Variants in ARHGAP45 observed in about 807,000 individuals in gnomAD.
ARHGAP45 encodes Rho GTPase activating protein 45.
Under a neutral mutation model 116.1 loss-of-function variants are expected in ARHGAP45, and 56 were observed. The observed-to-expected ratio is 0.48, with a 90% CI of 0.39 to 0.60. The LOEUF (loss-of-function observed/expected upper bound fraction) is 0.60. ARHGAP45 is among the 20% of genes least tolerant of loss of function. ARHGAP45 has a pLI of 0.00. For missense variants in ARHGAP45, 1,622 were observed against 1,601.0 expected (o/e 1.01, Z -0.22); for synonymous variants, 866 against 701.7 (o/e 1.23, Z -3.70).
At chr19:1,073,906 G>T in intron 5 of ARHGAP45, 42 bp from the exon 6 acceptor site, 1 of 1,531,808 alleles carries the variant, frequency 6.5e-7, no homozygotes, top group Non-Finnish European at 8.8e-7. Context: ...ACTGCCCAGG[G>T]CCCCGCATGG....
Position 1,077,905 on chromosome 19 carries a change from C to G in ARHGAP45, c.1234C>G (p.Arg412Gly). ...CAAGGCCAAGCAGGGTTACGTGCAG[C>G]GCTGCGAGGACCACGACAAGGCTCG... ...LRKAKQGYVQ[R>G]CEDHDKARFL... The change falls in exon 11 of 23, where the codon CGC becomes GGC. Residue 412 changes from arginine (R) to glycine (G), a missense_variant. By Grantham distance (125) the Arg-to-Gly change is moderately radical. Coordinates refer to ENST00000313093, the MANE Select transcript of ARHGAP45 (RefSeq NM_012292.5). 1 of 1,554,152 alleles carries G rather than the reference C, an allele frequency of 6.4e-7. No individual in the cohort carries two copies. The highest frequency in any genetic ancestry group is 8.7e-7 in the Non-Finnish European group (1 of 1,148,656).
intron 10 of ARHGAP45, chr19:1,077,174 C>G: frequency 1.0e-6 from 1 of 985,370 alleles, no homozygotes; most frequent in Non-Finnish European, 1.2e-6. Flanking sequence ...TGGGCGGCTT[C>G]TCTGTTCTCG....
At chr19:1,077,543 C>T (rs2043286177) in intron 10 of ARHGAP45, 1 of 1,093,310 alleles carries the variant, frequency 9.1e-7, no homozygotes, top group Non-Finnish European at 1.2e-6. Flanking sequence ...ACCACAATGC[C>T]CGGCTAATTG....
intron 10 of ARHGAP45, among the ~76,000 whole-genome samples, chr19:1,076,851 C>T (rs776929930): frequency 1.7e-4 from 26 of 149,594 alleles, no homozygotes; most frequent in Non-Finnish European, 3.3e-4. Flanking sequence ...AGGCTGGTCT[C>T]GAGTAGCTAG....
rs1187417858 is a variant in ARHGAP45 at position 1,082,827 on chromosome 19, T to G, written c.2518-13T>G. 2.7e-6 allele frequency: 4 copies of G among 1,481,118 alleles called. No individual in the cohort carries two copies. The highest frequency in any genetic ancestry group is 9.0e-7 in the Non-Finnish European group (1 of 1,115,542). The allele number at this position is 1,481,118 out of a possible 1,614,324, so 91.7% of individuals were successfully genotyped here. On this transcript the variant is annotated splice_polypyrimidine_tract_variant and intron_variant, in intron 19 of 22. Coordinates refer to ENST00000313093, the MANE Select transcript of ARHGAP45 (RefSeq NM_012292.5). The stretch of plus-strand genomic sequence containing the variant: ...AGGCCCACCAACACCTGCTGACCCT[T>G]GACTCTGCGCAGCTTCCCGAGCCGC...
At chr19:1,078,170 G>A in intron 11 of ARHGAP45, 125 bp downstream of exon 11, 3 of 1,414,776 alleles carry the variant, frequency 2.1e-6, no homozygotes, top group Non-Finnish European at 2.8e-6. Context: ...TTGAGACGGA[G>A]TCTTGCTCTG....
intron 10 of ARHGAP45, 156 bp from the exon 11 acceptor site, chr19:1,077,701 C>G: frequency 6.8e-7 from 1 of 1,477,964 alleles, no homozygotes; most frequent in African/African-American, 1.4e-5. Flanking sequence ...TCCTGTTTTT[C>G]CGCTGCCGAT....
chr19:1,080,322 G>T lies in ARHGAP45; in HGVS notation c.1771G>T (p.Gly591Trp). 1 of 1,610,932 alleles carries T rather than the reference G, an allele frequency of 6.2e-7. No homozygotes were observed. The highest frequency in any genetic ancestry group is 8.5e-7 in the Non-Finnish European group (1 of 1,179,528). The change falls in exon 14 of 23, where the codon GGG becomes TGG. Residue 591 changes from glycine (G) to tryptophan (W), a missense_variant. Gly to Trp is a radical substitution (Grantham distance 184). Transcript: ENST00000313093. ...TGATGTGGCGCGGCCGGAGGCTGCC[G>T]GGAGCCCCCCAGAAGAAGGCGGGTG... Reference protein sequence around the residue: ...VSDVARPEAAGSPPEEGGCTE... With the variant: ...VSDVARPEAAWSPPEEGGCTE...
chr19:1,082,715 G>T, intron 19 of ARHGAP45, 125 bp from the exon 20 acceptor site: 1 of 830,938 alleles, frequency 1.2e-6, no homozygotes, highest in South Asian at 2.0e-5. Flanking sequence ...GCTCTGGGTG[G>T]AACCCGAGCT....
At chr19:1,067,634 G>A (rs1013981455) in intron 1 of ARHGAP45, 139 bp downstream of exon 1, 7 of 848,226 alleles carry the variant, frequency 8.3e-6, no homozygotes, top group South Asian at 1.4e-5. Flanking sequence ...GGACGGCAGG[G>A]GCCACAGCAG....
In ARHGAP45 at chr19:1,079,935, T is replaced by G; in HGVS notation, c.1520T>G (p.Ile507Ser). ...QSDQTIKSAT[I>S]SYYQMMHMQT... ...CTCCGGTGCCGCCCGCAGGCCACGA[T>G]CTCCTACTACCAGATGATGCATATG... Residue 507 changes from isoleucine to serine, a missense_variant, in exon 13 of 23, where the codon ATC becomes AGC. Physicochemically the swap from Ile to Ser is moderately radical, Grantham distance 142. Transcript: ENST00000313093. 3 of 1,606,266 alleles carry G rather than the reference T, an allele frequency of 1.9e-6. No individual in the cohort carries two copies. The highest frequency in any genetic ancestry group is 2.6e-6 in the Non-Finnish European group (3 of 1,174,590).
Position 1,071,159 on chromosome 19 carries a change from C to A in ARHGAP45, c.422-1990C>A. On this transcript the variant is annotated intron_variant, in intron 2 of 22. Transcript: ENST00000313093. The surrounding 1 kb of genome is among the most constrained non-coding windows in gnomAD (Gnocchi z 4.6). ...GACCCAGGCTGGGGCGAACGGGACC[C>A]CAGGGCGGGGTTTCCCTCGCGGGGG... 7.6e-7 allele frequency: 1 copy of A among 1,313,846 alleles called. No individual in the cohort carries two copies. The highest frequency in any genetic ancestry group is 9.7e-7 in the Non-Finnish European group (1 of 1,031,062). 81.4% of individuals were successfully genotyped at this position (1,313,846 alleles called of 1,614,324 possible).
upstream of ARHGAP45, chr19:1,066,277 C>A (rs751747306): frequency 1.0e-5 from 2 of 195,566 alleles, no homozygotes; most frequent in South Asian, 7.1e-5. Flanking sequence ...GTTCACACTG[C>A]GGGGTGGGGG....
chr19:1,077,938 G>C lies in ARHGAP45; in HGVS notation c.1267G>C (p.Val423Leu), dbSNP rs941777758. Residue 423 changes from valine to leucine, a missense_variant, in exon 11 of 23, where the codon GTG becomes CTG. Val to Leu is a conservative substitution (Grantham distance 32). This residue lies in a region of ARHGAP45 where 1,334 missense variants were observed against 1,263.8 expected (regional missense o/e 1.06). Transcript: ENST00000313093. ...CEDHDKARFL[V>L]AKAEEEQAGS... Reference sequence around the variant, plus strand: ...GGACCACGACAAGGCTCGCTTCCTCGTGGCCAAGGCGGAGGAGGAGCAGGC... The same window carrying C: ...GGACCACGACAAGGCTCGCTTCCTCCTGGCCAAGGCGGAGGAGGAGCAGGC... 6.4e-7 allele frequency: 1 copy of C among 1,553,640 alleles called. No homozygotes were observed. The highest frequency in any genetic ancestry group is 2.4e-5 in the East Asian group (1 of 41,222).
At chr19:1,074,509 C>T in intron 8 of ARHGAP45, 102 bp downstream of exon 8, 1 of 1,400,598 alleles carries the variant, frequency 7.1e-7, no homozygotes, top group East Asian at 2.5e-5. Context: ...TTCCCCTCTA[C>T]ATTAACGGGG....
At chr19:1,079,553 G>A in intron 11 of ARHGAP45, 150 bp from the exon 12 acceptor site, 1 of 855,476 alleles carries the variant, frequency 1.2e-6, no homozygotes, top group South Asian at 1.7e-5. Flanking sequence ...TGCTCAGGCT[G>A]GTCTCGAACT....
rs1305174838 is a variant in ARHGAP45 at position 1,075,795 on chromosome 19, T to C, written c.1185+916T>C. 2.0e-5 allele frequency among the ~76,000 whole-genome samples: 3 copies of C among 152,196 alleles called. No homozygotes were observed. In the East Asian group the frequency reaches 5.8e-4, roughly 29 times the overall value. On this transcript the variant is annotated intron_variant, in intron 10 of 22. Transcript: ENST00000313093. Reference sequence around the variant, plus strand: ...CACCCAGTTCATTTTTTTGTATTTTTTGTATACTCACTATGTTGCCCAGTT... The same window carrying C: ...CACCCAGTTCATTTTTTTGTATTTTCTGTATACTCACTATGTTGCCCAGTT...
chr19:1,070,479 C>T (rs1424628985), intron 2 of ARHGAP45, among the ~76,000 whole-genome samples: 1 of 145,438 alleles, frequency 6.9e-6, no homozygotes, highest in Non-Finnish European at 1.5e-5. Flanking sequence ...TGCAGGGGCG[C>T]GCCACCGTGC....
rs746203295 is a variant in ARHGAP45 at position 1,085,867 on chromosome 19, A to C, written c.3272A>C (p.Asp1091Ala). The change falls in exon 23 of 23, where the codon GAC becomes GCC. Residue 1091 changes from aspartate (D) to alanine (A), a missense_variant. Physicochemically the swap from Asp to Ala is moderately radical, Grantham distance 126. Around this residue, in one of 3 missense-constraint regions of ARHGAP45, gnomAD observed 1,334 missense variants for 1,263.8 expected, o/e 1.06. Coordinates refer to ENST00000313093, the MANE Select transcript of ARHGAP45 (RefSeq NM_012292.5). ...TAREDGDGDE[D>A]GPAQQLSGFN... ...CGGGAGGACGGGGACGGGGACGAGG[A>C]CGGCCCGGCCCAGCAGCTCTCAGGA... The C allele has an allele frequency of 6.2e-7, 1 of 1,612,862 alleles. No homozygotes were observed. Among genetic ancestry groups the C allele is most frequent in the South Asian group, 1.1e-5 (1 of 91,076 alleles).
Sources: allele counts gnomAD v4.1 joint callset (sites outside exome capture counted in the v4.1 genomes callset), GRCh38; gene constraint gnomAD v4.1.1; regional missense constraint gnomAD v4.1.1; non-coding constraint Gnocchi (gnomAD v3.1); transcripts MANE v1.5; gene names NCBI Gene and HGNC (gene_info 2026-07-23, HGNC 2026-07-21).